PLXNA2: variants seen among roughly 807,000 people sequenced by gnomAD.
PLXNA2 encodes the protein plexin-A2.
Under a neutral mutation model 193.5 loss-of-function variants are expected in PLXNA2, and 91 were observed. That is an observed-to-expected ratio of 0.47 (90% CI 0.40 to 0.56). PLXNA2 has a LOEUF of 0.56. Among genes scored for constraint, PLXNA2 ranks in the 20% least tolerant of loss-of-function variants. The pLI is 0.00. For missense variants in PLXNA2, 1,995 were observed against 2,503.2 expected, an observed-to-expected ratio of 0.80 and a Z score of 4.33; for synonymous variants, 997 against 1,027.3, an observed-to-expected ratio of 0.97 and a Z score of 0.56.
intron 1 of PLXNA2, among the ~76,000 whole-genome samples, chr1:208,241,199 C>G (rs541051682): frequency 2.9e-4 from 44 of 152,282 alleles, no homozygotes; most frequent in African/African-American, 1.1e-3. Context: ...ACCTAGGAAA[C>G]AGGTAGCTGT....
chr1:208,222,427 C>T (rs1671368288), intron 1 of PLXNA2, among the ~76,000 whole-genome samples: 1 of 152,200 alleles, frequency 6.6e-6, no homozygotes, highest in African/African-American at 2.4e-5. Flanking sequence ...GAGAGTCTCC[C>T]AGCACATGTA....
intron 3 of PLXNA2, among the ~76,000 whole-genome samples, chr1:208,166,411 A>G (rs1393088019): frequency 6.6e-6 from 1 of 152,204 alleles, no homozygotes. Context: ...ATGATCATTG[A>G]CCTGCAGGTA....
At position 208,034,515 on chromosome 1, in the gene PLXNA2, G is replaced by C. The variant is rs776075582; in HGVS notation, c.4842C>G (p.Ser1614=). The C allele has an allele frequency of 4.3e-6, 7 of 1,613,734 alleles. No individual in the cohort carries two copies. The highest frequency in any genetic ancestry group is 1.7e-5 in the Admixed American group (1 of 60,032). Residue 1614 remains serine (S), a synonymous_variant, in exon 27 of 32, where the codon TCC becomes TCG. Coordinates refer to ENST00000367033, the MANE Select transcript of PLXNA2 (RefSeq NM_025179.4). ...SYNIPASASI[S]RTSISRYDSS... is the part of the protein sequence containing the mutation. ...CACCGTATCTGCTGATGGACGTCCG[G>C]GAGATGCTGGCAGAGGCAGGGATGT...
chr1:208,056,098 T>C (rs1225683981), intron 13 of PLXNA2, among the ~76,000 whole-genome samples: 1 of 152,266 alleles, frequency 6.6e-6, no homozygotes, highest in African/African-American at 2.4e-5. Flanking sequence ...TGTGTGGTTA[T>C]CTTCATGCTG....
At chr1:208,152,668 T>TAC (rs10564360) in intron 3 of PLXNA2, among the ~76,000 whole-genome samples, 12 of 137,654 alleles carry the variant, frequency 8.7e-5, no homozygotes, top group South Asian at 7.2e-4. Context: ...TGCATACACA[T>TAC]ACACACACAC....
rs1276518251 is a variant in PLXNA2, at chr1:208,034,622, AAGGTGAATGT to A, written c.4765-40_4765-31del. On this transcript the variant is annotated intron_variant, in intron 26 of 31. Transcript: ENST00000367033. Reference sequence around the variant, plus strand: ...GAAGGGTACAAAAGGTACAGTACAAAAGGTGAATGTAGGTGTCTTGGGAAGTTGGATAGTC... The same window carrying A: ...GAAGGGTACAAAAGGTACAGTACAAAAGGTGTCTTGGGAAGTTGGATAGTC... The A allele has an allele frequency of 5.0e-6, 7 of 1,404,600 alleles. No individual in the cohort carries two copies. In the Admixed American group the frequency reaches 5.0e-5, roughly 10 times the overall value. 87.0% of individuals were successfully genotyped at this position (1,404,600 alleles called of 1,614,324 possible). A position where few individuals can be genotyped will look rare whatever the true frequency, so the allele number is the denominator to read the frequency against.
Position 208,038,687 on chromosome 1 carries a change from G to A in PLXNA2, c.4660+138C>T. On this transcript the variant is annotated intron_variant, in intron 25 of 31. Transcript: ENST00000367033. The surrounding 1 kb of genome is among the most constrained non-coding windows in gnomAD (Gnocchi z 4.1). The stretch of plus-strand genomic sequence containing the variant: ...AGACAGCCACATCTGAACAGGCAGC[G>A]CTCAAAGCGGGAAGCATTTCACACG... 6 of 938,624 alleles carry A rather than the reference G, an allele frequency of 6.4e-6. No individual in the cohort carries two copies. Among genetic ancestry groups the A allele is most frequent in the Non-Finnish European group, 8.3e-6 (5 of 602,020 alleles). 58.1% of individuals were successfully genotyped at this position (938,624 alleles called of 1,614,324 possible).
intron 8 of PLXNA2, 67 bp from the exon 9 acceptor site, chr1:208,092,967 A>G (rs1364270913): frequency 1.8e-6 from 2 of 1,120,568 alleles, no homozygotes; most frequent in Non-Finnish European, 1.4e-6. Flanking sequence ...ATGTGTCATG[A>G]TAGAAGTCTG....
At chr1:208,238,626 G>A (rs1472633176) in intron 1 of PLXNA2, among the ~76,000 whole-genome samples, 1 of 152,216 alleles carries the variant, frequency 6.6e-6, no homozygotes, top group African/African-American at 2.4e-5. Flanking sequence ...CTGCTGAAAT[G>A]AAAGGGGGAA....
chr1:208,160,737 T>C (rs1270753137), intron 3 of PLXNA2, among the ~76,000 whole-genome samples: 1 of 152,246 alleles, frequency 6.6e-6, no homozygotes, highest in African/African-American at 2.4e-5. Context: ...CAGAAACAAA[T>C]GCAACACAGA....
At chr1:208,066,395 C>T (rs987840168) in intron 12 of PLXNA2, among the ~76,000 whole-genome samples, 3 of 152,212 alleles carry the variant, frequency 2.0e-5, no homozygotes, top group African/African-American at 7.2e-5. Flanking sequence ...CTGGCCCTGT[C>T]CTCTTATGGA....
Position 208,092,844 on chromosome 1 carries a change from A to G in PLXNA2, c.2039T>C (p.Leu680Pro). The change falls in exon 9 of 32, where the codon CTC becomes CCC. Residue 680 changes from leucine (L) to proline (P), a missense_variant. By Grantham distance (98) the Leu-to-Pro change is moderately conservative. Around this residue, in one of 3 missense-constraint regions of PLXNA2, gnomAD observed 1,291 missense variants for 1,673.6 expected, o/e 0.77. Transcript: ENST00000367033. ...GCAGGTGGTGGGGTCATGAGTGCAG[A>G]GGTTGCGGTACTTGCACCAATGGCA... is the stretch of plus-strand genomic sequence containing the variant. Reference protein sequence around the residue: ...FRCHWCKYRNLCTHDPTTCSF... With the variant: ...FRCHWCKYRNPCTHDPTTCSF... 6.2e-7 allele frequency: 1 copy of G among 1,613,928 alleles called. No homozygotes were observed. The highest frequency in any genetic ancestry group is 8.5e-7 in the Non-Finnish European group (1 of 1,179,912).
chr1:208,043,623 G>A (rs147194573), intron 20 of PLXNA2, among the ~76,000 whole-genome samples: 3 of 152,286 alleles, frequency 2.0e-5, no homozygotes, highest in Non-Finnish European at 4.4e-5. Flanking sequence ...AAAGCCTAGG[G>A]GAGGTCTGGT....
chr1:208,210,246 T>C (rs373823144), intron 3 of PLXNA2, 34 bp downstream of exon 3: 34 of 1,608,460 alleles, frequency 2.1e-5, no homozygotes, highest in Non-Finnish European at 2.9e-5. Context: ...AGGAGGTGAA[T>C]GGCATTGGAG....
chr1:208,150,119 G>A (rs1451018922), intron 3 of PLXNA2, among the ~76,000 whole-genome samples: 1 of 152,064 alleles, frequency 6.6e-6, no homozygotes, highest in Non-Finnish European at 1.5e-5. Context: ...CAGGGATAAG[G>A]GTCTCTCTTT....
At chr1:208,134,312 A>G (rs1487204345) in intron 4 of PLXNA2, among the ~76,000 whole-genome samples, 1 of 152,144 alleles carries the variant, frequency 6.6e-6, no homozygotes, top group African/African-American at 2.4e-5. Flanking sequence ...GACATTTGAA[A>G]TGGGGGAAAG....
In PLXNA2 at chr1:208,217,344, A is replaced by G; in HGVS notation, c.579T>C (p.Asp193=). ...FIGTAVDGKQ[D]YFPTLSSRKL... The stretch of plus-strand genomic sequence containing the variant: ...TCCGGCTGGACAGGGTCGGGAAGTA[A>G]TCCTGCTTCCCATCCACAGCCGTGC... The change falls in exon 2 of 32, where the codon GAT becomes GAC. Residue 193 remains aspartate, a synonymous_variant. Transcript: ENST00000367033. This position sits in a 1 kb window ranked among gnomAD's most constrained non-coding sequence, Gnocchi z 4.7. 6.2e-7 allele frequency: 1 copy of G among 1,614,136 alleles called. No homozygotes were observed.
chr1:208,130,994 C>A (rs1314354862), intron 4 of PLXNA2, among the ~76,000 whole-genome samples: 1 of 152,188 alleles, frequency 6.6e-6, no homozygotes, highest in Non-Finnish European at 1.5e-5. Context: ...TTCATGGGAA[C>A]CCTGTGTTCA....
intron 12 of PLXNA2, among the ~76,000 whole-genome samples, chr1:208,063,131 T>C (rs1665670552): frequency 6.6e-6 from 1 of 152,222 alleles, no homozygotes; most frequent in Admixed American, 6.5e-5. Context: ...CCCCTACTTT[T>C]ATTTCTTAAA....
Sources: gnomAD v4.1 joint callset for allele counts (sites outside exome capture counted in the v4.1 genomes callset) on GRCh38, gnomAD v4.1.1 for gene constraint, gnomAD v4.1.1 regional missense constraint, Gnocchi (gnomAD v3.1) non-coding constraint, MANE v1.5 for transcripts, NCBI Gene and HGNC (gene_info 2026-07-23, HGNC 2026-07-21) for gene names.